TAF4: variants seen among roughly 807,000 people sequenced by gnomAD.
TAF4 encodes the protein TATA-box binding protein associated factor 4.
In TAF4, 9 loss-of-function variants were observed where a neutral mutation model predicts 90.3. That is an observed-to-expected ratio of 0.10 (90% CI 0.06 to 0.17). The LOEUF (loss-of-function observed/expected upper bound fraction) is 0.17. TAF4 is among the 10% of genes least tolerant of loss of function. The probability of loss-of-function intolerance (pLI) is 1.00; values close to 1 mark genes in which losing one functional copy is unlikely to be tolerated. For synonymous variants in TAF4, 818 were observed against 638.9 expected (o/e 1.28, Z -4.23); for missense variants, 1,351 against 1,370.7 (o/e 0.99, Z 0.23).
At chr20:61,999,224 T>A in intron 11 of TAF4, 116 bp from the exon 12 acceptor site, 6 of 1,366,354 alleles carry the variant, frequency 4.4e-6, no homozygotes. Flanking sequence ...CCAGTCTGAA[T>A]GCGGCGAGGA....
At chr20:62,059,892 T>G (rs978739999) in intron 1 of TAF4, among the ~76,000 whole-genome samples, 2 of 152,224 alleles carry the variant, frequency 1.3e-5, no homozygotes, top group Non-Finnish European at 2.9e-5. Context: ...TCAACTCACT[T>G]ACAACCAACA....
intron 4 of TAF4, 99 bp from the exon 5 acceptor site, chr20:62,009,273 A>G: frequency 8.4e-7 from 1 of 1,186,244 alleles, no homozygotes; most frequent in Non-Finnish European, 1.2e-6. Flanking sequence ...AAAGATACAT[A>G]TATTTCTTCT....
Position 62,014,916 on chromosome 20 carries a change from G to GA in TAF4, c.1361-210dup, listed in dbSNP as rs200311080. On this transcript the variant is annotated intron_variant, in intron 1 of 14. Coordinates refer to ENST00000252996, the MANE Select transcript of TAF4 (RefSeq NM_003185.4). Reference sequence around the variant, plus strand: ...CTGTAAAGGTTGTTAAAAGGCCATGGAAAAAAAATGGCACCTGAGCCTTCC... The same window carrying GA: ...CTGTAAAGGTTGTTAAAAGGCCATGGAAAAAAAAATGGCACCTGAGCCTTCC... 2.6e-3 allele frequency among the ~76,000 whole-genome samples: 395 copies of GA among 152,152 alleles called. 2 individuals carry two copies. Among genetic ancestry groups the GA allele is most frequent in the African/African-American group, 9.3e-3 (387 of 41,492 alleles).
chr20:62,029,363 G>A (rs993998119), intron 1 of TAF4, among the ~76,000 whole-genome samples: 10 of 152,024 alleles, frequency 6.6e-5, no homozygotes, highest in Admixed American at 3.9e-4. Context: ...ACTTGGGGGC[G>A]GTGGGCAAGT....
In TAF4 at chr20:61,976,348, AAGG is replaced by A. The variant is rs753845586; in HGVS notation, c.3091-16_3091-14del. 1 of 1,612,432 alleles carries A rather than the reference AAGG, an allele frequency of 6.2e-7. No individual in the cohort carries two copies. Among genetic ancestry groups the A allele is most frequent in the Non-Finnish European group, 8.5e-7 (1 of 1,179,966 alleles). On this transcript the variant is annotated splice_polypyrimidine_tract_variant and intron_variant, in intron 14 of 14. Transcript: ENST00000252996. ...CGGGGCCCGACCCCTGGTGATGAAA[AAGG>A]AGAAGACAGTGTGTTAGTGGGGCTC... is the stretch of plus-strand genomic sequence containing the variant.
At chr20:62,031,849 G>A (rs1028034201) in intron 1 of TAF4, among the ~76,000 whole-genome samples, 2 of 152,120 alleles carry the variant, frequency 1.3e-5, no homozygotes, top group Non-Finnish European at 2.9e-5. Context: ...CGGAGACGGG[G>A]CTCGCAGGGA....
rs1271042670 is a variant in TAF4 at position 61,999,020 on chromosome 20, T to A, written c.2876A>T (p.Asp959Val). 1 of 1,614,106 alleles carries A rather than the reference T, an allele frequency of 6.2e-7. No homozygotes were observed. The highest frequency in any genetic ancestry group is 2.2e-5 in the East Asian group (1 of 44,868). ...QLDQIEKQRKDEQEREILMRA... is the reference protein window; with the variant it reads ...QLDQIEKQRKVEQEREILMRA... Reference sequence around the variant, plus strand: ...CATCAGGATCTCCCGCTCCTGCTCATCCTTCCTCTGCTTTTCGATTTGATC... The same window carrying A: ...CATCAGGATCTCCCGCTCCTGCTCAACCTTCCTCTGCTTTTCGATTTGATC... Residue 959 changes from aspartate (D) to valine (V), a missense_variant, in exon 12 of 15, where the codon GAT becomes GTT. Transcript: ENST00000252996.
At position 62,065,830 on chromosome 20, in the gene TAF4, C is replaced by A; in HGVS notation, c.-20G>T. On this transcript the variant is annotated 5_prime_UTR_variant, in exon 1 of 15. Coordinates refer to ENST00000252996, the MANE Select transcript of TAF4 (RefSeq NM_003185.4). ...CGCCATCTTTTTTCCTCGGCCGCCG[C>A]CGCCGCCGCCGCTCGGGCCGAGCGC... 1 of 1,261,696 alleles carries A rather than the reference C, an allele frequency of 7.9e-7. No individual in the cohort carries two copies. The highest frequency in any genetic ancestry group is 5.8e-5 in the East Asian group (1 of 17,220). 78.2% of individuals were successfully genotyped at this position (1,261,696 alleles called of 1,614,324 possible).
intron 1 of TAF4, among the ~76,000 whole-genome samples, chr20:62,023,566 G>T (rs2145486756): frequency 6.6e-6 from 1 of 152,064 alleles, no homozygotes; most frequent in Non-Finnish European, 1.5e-5. Context: ...TGGCCAACAT[G>T]GTGAAACCCT....
At chr20:61,999,250 C>G in intron 11 of TAF4, 142 bp from the exon 12 acceptor site, 1 of 1,071,428 alleles carries the variant, frequency 9.3e-7, no homozygotes, top group South Asian at 1.5e-5. Context: ...TCCCTCCCAC[C>G]CTGCAAATGC....
chr20:62,064,349 G>T (rs116753037), intron 1 of TAF4, 102 bp downstream of exon 1: 1 of 1,227,394 alleles, frequency 8.1e-7, no homozygotes, highest in South Asian at 2.9e-5. Flanking sequence ...ACGGGCCTAC[G>T]GGACAGATGA....
intron 2 of TAF4, among the ~76,000 whole-genome samples, chr20:62,013,950 T>TGTGTGTGAGA (rs1491288481): frequency 2.8e-4 from 35 of 126,380 alleles, no homozygotes; most frequent in African/African-American, 9.8e-4. Flanking sequence ...TGTGTGTGTG[T>TGTGTGTGAGA]GAATCCGTGC....
chr20:62,004,826 C>G (rs1035221156), intron 7 of TAF4: 1 of 152,426 alleles, frequency 6.6e-6, no homozygotes, highest in African/African-American at 2.4e-5. Context: ...CTCACTCTCA[C>G]CTCCGGCACA....
intron 13 of TAF4, among the ~76,000 whole-genome samples, 168 bp from the exon 14 acceptor site, chr20:61,997,837 ATTT>A (rs202169339): frequency 6.6e-6 from 1 of 152,098 alleles, no homozygotes; most frequent in South Asian, 2.1e-4. Flanking sequence ...AAAAAATAAG[ATTT>A]TTTTTAATGC....
intron 14 of TAF4, among the ~76,000 whole-genome samples, chr20:61,988,770 G>A (rs528313051): frequency 1.3e-5 from 2 of 152,246 alleles, no homozygotes; most frequent in Admixed American, 6.5e-5. Flanking sequence ...CCACTCGGCA[G>A]TGCCTCACCT....
intron 8 of TAF4, 23 bp from the exon 9 acceptor site, chr20:62,003,297 A>G: frequency 6.3e-7 from 1 of 1,581,576 alleles, no homozygotes; most frequent in Non-Finnish European, 8.7e-7. Flanking sequence ...CACACAGTGG[A>G]AACCACACAA....
In TAF4 at chr20:61,991,618, A is replaced by G. The variant is rs549090322; in HGVS notation, c.3090+5932T>C. ...TCTAAAAAACCAAAAAACAAAAAAA[A>G]AGAGAGAGAGAGATTTTAAAAATTA... On this transcript the variant is annotated intron_variant, in intron 14 of 14. Transcript: ENST00000252996. 3.3e-5 allele frequency among the ~76,000 whole-genome samples: 5 copies of G among 152,168 alleles called. No homozygotes were observed. The South Asian group carries it at 6.2e-4, about 19-fold the overall frequency.
chr20:62,065,152 T>C lies in TAF4; in HGVS notation c.659A>G (p.Asn220Ser), dbSNP rs765168732. The change falls in exon 1 of 15, where the codon AAC becomes AGC. Residue 220 changes from asparagine to serine, a missense_variant. Physicochemically the swap from Asn to Ser is conservative, Grantham distance 46 (BLOSUM62 1). Around this residue, in one of 9 missense-constraint regions of TAF4, gnomAD observed 782 missense variants for 536.6 expected, o/e 1.46. Coordinates refer to ENST00000252996, the MANE Select transcript of TAF4 (RefSeq NM_003185.4). ...CAGCGGCAGCAGCGCGGCGGGCCCG[T>C]TGTTGACCAGGCTGACAGCAGGTGC... ...AAAPAVSLVN[N>S]GPAALLPLPK... 138 of 1,182,806 alleles carry C rather than the reference T, an allele frequency of 1.2e-4. No homozygotes were observed. The highest frequency in any genetic ancestry group is 3.8e-4 in the Middle Eastern group (1 of 2,656). The allele number at this position is 1,182,806 out of a possible 1,614,324, so 73.3% of individuals were successfully genotyped here.
At chr20:62,063,725 C>T (rs2056103489) in intron 1 of TAF4, among the ~76,000 whole-genome samples, 1 of 152,244 alleles carries the variant, frequency 6.6e-6, no homozygotes, top group Admixed American at 6.5e-5. Flanking sequence ...CCTTTAGGCA[C>T]CAACGCAGCT....
Sources: allele counts gnomAD v4.1 joint callset (sites outside exome capture counted in the v4.1 genomes callset), GRCh38; gene constraint gnomAD v4.1.1; regional missense constraint gnomAD v4.1.1; transcripts MANE v1.5; gene names NCBI Gene and HGNC (gene_info 2026-07-23, HGNC 2026-07-21).